The following SLC35F1 variants were observed in gnomAD, a reference collection of about 807,000 sequenced individuals.
The protein encoded by SLC35F1 is solute carrier family 35 member F1, also known as chromosome 6 open reading frame 169.
A neutral mutation model predicts 48.7 loss-of-function variants in SLC35F1; 14 were observed. The ratio of observed to expected loss-of-function variants is 0.29; its 90% CI spans 0.19 to 0.45. SLC35F1 has a LOEUF of 0.45. Ranked by LOEUF, SLC35F1 falls within the 20% of genes least tolerant of loss-of-function variation. The pLI is 1.00. For synonymous variants in SLC35F1, 190 were observed against 202.2 expected, an observed-to-expected ratio of 0.94 and a Z score of 0.51; for missense variants, 404 against 500.0, an observed-to-expected ratio of 0.81 and a Z score of 1.83.
At chr6:117,947,314 G>A (rs1268785223) in intron 1 of SLC35F1, among the ~76,000 whole-genome samples, 1 of 152,184 alleles carries the variant, frequency 6.6e-6, no homozygotes, top group Non-Finnish European at 1.5e-5. Flanking sequence ...AGGCTGGAAA[G>A]TACTGGGAGG....
intron 2 of SLC35F1, among the ~76,000 whole-genome samples, chr6:118,170,976 T>C (rs921093325): frequency 6.6e-6 from 1 of 152,190 alleles, no homozygotes; most frequent in Non-Finnish European, 1.5e-5. Context: ...ATAATTATAA[T>C]GTGTTTTTGT....
At chr6:118,231,282 G>A (rs1443414977) in intron 2 of SLC35F1, among the ~76,000 whole-genome samples, 2 of 152,048 alleles carry the variant, frequency 1.3e-5, no homozygotes, top group South Asian at 2.1e-4. Context: ...TCCATCCATG[G>A]ATTTTATTAC....
intron 1 of SLC35F1, among the ~76,000 whole-genome samples, chr6:117,975,328 T>C (rs1374852500): frequency 6.6e-6 from 1 of 152,240 alleles, no homozygotes; most frequent in Non-Finnish European, 1.5e-5. Flanking sequence ...TTAACTGCAT[T>C]ATAAATGCTT....
intron 2 of SLC35F1, among the ~76,000 whole-genome samples, chr6:118,174,111 A>G (rs2114500027): frequency 6.6e-6 from 1 of 152,328 alleles, no homozygotes; most frequent in Admixed American, 6.5e-5. Context: ...ACTTAGAAGT[A>G]AATATTGCTT....
intron 3 of SLC35F1, 73 bp from the exon 4 acceptor site, chr6:118,266,922 T>G: frequency 6.4e-7 from 1 of 1,550,448 alleles, no homozygotes; most frequent in Non-Finnish European, 8.9e-7. Context: ...CAGAACTAAA[T>G]TACTTTTCCC....
chr6:118,117,993 T>C (rs113508164), intron 1 of SLC35F1, among the ~76,000 whole-genome samples: 9 of 152,336 alleles, frequency 5.9e-5, no homozygotes, highest in African/African-American at 2.2e-4. Flanking sequence ...TGAGGAAGAT[T>C]CAATTCCTTG....
intron 2 of SLC35F1, among the ~76,000 whole-genome samples, chr6:118,232,548 CAAAAAAA>C (rs771123566): frequency 3.9e-5 from 2 of 50,698 alleles, no homozygotes; most frequent in African/African-American, 1.3e-4. Flanking sequence ...AACTCCATCC[CAAAAAAA>C]AAAAAAAAAA....
chr6:118,094,203 G>A (rs1347964518), intron 1 of SLC35F1, among the ~76,000 whole-genome samples: 2 of 152,174 alleles, frequency 1.3e-5, no homozygotes, highest in African/African-American at 4.8e-5. Context: ...GAGTAAATGA[G>A]AGAAGATGGA....
chr6:118,220,292 T>C (rs1245846566), intron 2 of SLC35F1, among the ~76,000 whole-genome samples: 1 of 152,012 alleles, frequency 6.6e-6, no homozygotes, highest in East Asian at 1.9e-4. Context: ...GAAAAGTCAA[T>C]GTGGGTCAAA....
intron 2 of SLC35F1, among the ~76,000 whole-genome samples, chr6:118,219,643 AT>A: frequency 6.6e-6 from 1 of 152,194 alleles, no homozygotes; most frequent in East Asian, 1.9e-4. Context: ...CTAGAATACC[AT>A]TTGACCCAGC....
At position 117,949,893 on chromosome 6, in the gene SLC35F1, G is replaced by A. The variant is rs112653119; in HGVS notation, c.173+41994G>A. Among the ~76,000 whole-genome samples, 1,096 of 152,246 alleles carry A rather than the reference G, an allele frequency of 7.2e-3. 15 individuals are homozygous for A. Among genetic ancestry groups the A allele is most frequent in the African/African-American group, 0.025 (1,044 of 41,546 alleles). On this transcript the variant is annotated intron_variant, in intron 1 of 7. Coordinates refer to ENST00000360388, the MANE Select transcript of SLC35F1 (RefSeq NM_001029858.4). ...GGGGGTGGTCTACGCACTTGATAAT[G>A]TATCCTCTCAGGTGTTGTGCAGAGT...
At chr6:118,039,152 T>G (rs1475798128) in intron 1 of SLC35F1, among the ~76,000 whole-genome samples, 1 of 152,186 alleles carries the variant, frequency 6.6e-6, no homozygotes, top group South Asian at 2.1e-4. Flanking sequence ...TCAACAGCTT[T>G]TTTCTTTCAG....
At chr6:118,091,972 G>C (rs919571587) in intron 1 of SLC35F1, among the ~76,000 whole-genome samples, 2 of 152,080 alleles carry the variant, frequency 1.3e-5, no homozygotes, top group Non-Finnish European at 2.9e-5. Flanking sequence ...GATGATTTAG[G>C]GTATCTGGCA....
intron 3 of SLC35F1, among the ~76,000 whole-genome samples, chr6:118,254,561 G>A (rs1460022790): frequency 2.0e-5 from 3 of 152,040 alleles, no homozygotes; most frequent in Admixed American, 6.6e-5. Context: ...GTACAGATGT[G>A]AGCCACCACA....
At chr6:118,209,663 T>TTA (rs1174232529) in intron 2 of SLC35F1, among the ~76,000 whole-genome samples, 1 of 151,992 alleles carries the variant, frequency 6.6e-6, no homozygotes, top group Non-Finnish European at 1.5e-5. Flanking sequence ...ATATTAAAGA[T>TTA]TATATATATT....
chr6:117,983,579 A>G (rs1435548673), intron 1 of SLC35F1, among the ~76,000 whole-genome samples: 3 of 152,214 alleles, frequency 2.0e-5, no homozygotes, highest in Admixed American at 6.5e-5. Context: ...GCAGTGTCGA[A>G]AAAGAAAAAG....
chr6:118,092,771 T>C (rs1290263480), intron 1 of SLC35F1, among the ~76,000 whole-genome samples: 26 of 152,198 alleles, frequency 1.7e-4, no homozygotes. Context: ...ACTGCCCTAC[T>C]GGATTTCAGA....
chr6:118,293,468 C>G (rs987143372), intron 7 of SLC35F1, among the ~76,000 whole-genome samples: 1 of 152,180 alleles, frequency 6.6e-6, no homozygotes, highest in Non-Finnish European at 1.5e-5. Flanking sequence ...ACATTCAGCC[C>G]ACCCAGATAA....
At chr6:118,067,247 T>C (rs1772629162) in intron 1 of SLC35F1, among the ~76,000 whole-genome samples, 1 of 151,962 alleles carries the variant, frequency 6.6e-6, no homozygotes, top group Admixed American at 6.6e-5. Flanking sequence ...TGGGGTAAAG[T>C]TGGGGAGGAT....
Sources: gnomAD v4.1 joint callset for allele counts (sites outside exome capture counted in the v4.1 genomes callset) on GRCh38, gnomAD v4.1.1 for gene constraint, MANE v1.5 for transcripts, NCBI Gene and HGNC (gene_info 2026-07-23, HGNC 2026-07-21) for gene names.